UNC13A: variants seen among roughly 807,000 people sequenced by gnomAD.
UNC13A encodes unc-13 homolog A, also known as protein unc-13 homolog A.
A neutral mutation model predicts 219.7 loss-of-function variants in UNC13A; 61 were observed. The ratio of observed to expected loss-of-function variants is 0.28; its 90% CI spans 0.23 to 0.34. The LOEUF is 0.34. UNC13A is among the 10% of genes least tolerant of loss of function. The probability of loss-of-function intolerance (pLI) is 1.00; values close to 1 mark genes in which losing one functional copy is unlikely to be tolerated. For missense variants in UNC13A, 1,476 were observed against 2,270.3 expected (o/e 0.65, Z 7.11); for synonymous variants, 920 against 884.6 (o/e 1.04, Z -0.71).
chr19:17,612,691 A>G (rs1308353566), intron 41 of UNC13A, among the ~76,000 whole-genome samples: 1 of 152,108 alleles, frequency 6.6e-6, no homozygotes, highest in Admixed American at 6.5e-5. Context: ...CAATAAATAC[A>G]AAAATTAGTG....
In UNC13A at chr19:17,618,345, G is replaced by T. The variant is rs113151370; in HGVS notation, c.4410+76C>A. ...GAACAAATTAATGTGGGTCCGAGGC[G>T]AGCCTAAGTCCATGACCACAGCAGC... On this transcript the variant is annotated intron_variant, in intron 40 of 43. Transcript: ENST00000519716. 3.4e-3 allele frequency: 4,858 copies of T among 1,444,430 alleles called. 138 individuals are homozygous for T. The African/African-American group carries it at 0.055, about 16-fold the overall frequency. The allele number at this position is 1,444,430 out of a possible 1,614,324, so 89.5% of individuals were successfully genotyped here.
Position 17,632,867 on chromosome 19 carries a change from T to G in UNC13A, c.3343A>C (p.Asn1115His). 6.2e-7 allele frequency: 1 copy of G among 1,613,972 alleles called. No homozygotes were observed. The highest frequency in any genetic ancestry group is 8.5e-7 in the Non-Finnish European group (1 of 1,179,886). ...AGCCATTTCACCTTGAAGTGGAGGT[T>G]CATGTAGTCGGCACTCTTGCATAGA... Reference protein sequence around the residue: ...HRLCKSADYMNLHFKVKWLYN... With the variant: ...HRLCKSADYMHLHFKVKWLYN... Residue 1115 changes from asparagine (N) to histidine (H), a missense_variant, in exon 28 of 44, where the codon AAC becomes CAC. Asn to His is a moderately conservative substitution (Grantham distance 68). Coordinates refer to ENST00000519716, the MANE Select transcript of UNC13A (RefSeq NM_001080421.3).
chr19:17,606,345 G>A lies in UNC13A; in HGVS notation c.4821C>T (p.Ser1607=). ...CATAGCACTCGGGACCCGCGTCGGC[G>A]CTCAGCGTGCTGCGTGGGGAGGGGC... is the stretch of plus-strand genomic sequence containing the variant. ...KYNESFQFTL[S]ADAGPECYEL... is the part of the protein sequence containing the mutation. The change falls in exon 44 of 44, where the codon AGC becomes AGT. Residue 1607 remains serine, a synonymous_variant. Transcript: ENST00000519716. 2 of 1,544,494 alleles carry A rather than the reference G, an allele frequency of 1.3e-6. No homozygotes were observed. The highest frequency in any genetic ancestry group is 1.7e-6 in the Non-Finnish European group (2 of 1,147,012).
In UNC13A at chr19:17,674,044, A is replaced by G. The variant is rs12983997; in HGVS notation, c.152+613T>C. Among the ~76,000 whole-genome samples, 1 of 152,180 alleles carries G rather than the reference A, an allele frequency of 6.6e-6. No homozygotes were observed. Among genetic ancestry groups the G allele is most frequent in the Non-Finnish European group, 1.5e-5 (1 of 68,052 alleles). Reference sequence around the variant, plus strand: ...CAAACAAACAAACAAAATTGGTGGCAAGGCCTGGGAAGGCATGATGCCCTG... The same window carrying G: ...CAAACAAACAAACAAAATTGGTGGCGAGGCCTGGGAAGGCATGATGCCCTG... On this transcript the variant is annotated intron_variant, in intron 3 of 43. Coordinates refer to ENST00000519716, the MANE Select transcript of UNC13A (RefSeq NM_001080421.3). This position sits in a 1 kb window ranked among gnomAD's most constrained non-coding sequence, Gnocchi z 5.0.
At position 17,674,695 on chromosome 19, in the gene UNC13A, C is replaced by T. The variant is rs1427342139; in HGVS notation, c.114G>A (p.Val38=). Residue 38 remains valine, a synonymous_variant, in exon 3 of 44, where the codon GTG becomes GTA. Coordinates refer to ENST00000519716, the MANE Select transcript of UNC13A (RefSeq NM_001080421.3). This position sits in a 1 kb window ranked among gnomAD's most constrained non-coding sequence, Gnocchi z 5.0. ...GCTCCCAGCTGGGCTGGCTGCCCCG[C>T]ACCGCGATGGTCGTGCTCTTGACAT... is the stretch of plus-strand genomic sequence containing the variant. ...VQNVKSTTIA[V]RGSQPSWEQD... is the part of the protein sequence containing the mutation. 5 of 1,613,968 alleles carry T rather than the reference C, an allele frequency of 3.1e-6. No individual in the cohort carries two copies. The African/African-American group carries it at 4.0e-5, about 13-fold the overall frequency.
At chr19:17,673,305 C>T (rs535466067) in intron 3 of UNC13A, among the ~76,000 whole-genome samples, 75 of 144,314 alleles carry the variant, frequency 5.2e-4, no homozygotes, top group East Asian at 3.7e-3. Flanking sequence ...TGCGGTGAGC[C>T]GAGATCACGC....
chr19:17,668,052 G>A, intron 6 of UNC13A, 65 bp downstream of exon 6: 1 of 1,536,154 alleles, frequency 6.5e-7, no homozygotes, highest in Non-Finnish European at 9.0e-7. Context: ...ATCTGTAAGT[G>A]AAAATCATGG....
At chr19:17,673,091 C>T (rs1000818579) in intron 3 of UNC13A, among the ~76,000 whole-genome samples, 3 of 152,296 alleles carry the variant, frequency 2.0e-5, no homozygotes, top group Admixed American at 1.3e-4. Context: ...ACCACGGTGG[C>T]TCACGCCTGT....
At position 17,675,329 on chromosome 19, in the gene UNC13A, T is replaced by A. The variant is rs1369814541; in HGVS notation, c.53-573A>T. Among the ~76,000 whole-genome samples the A allele has an allele frequency of 2.7e-5, 4 of 150,688 alleles. No homozygotes were observed. The East Asian group carries it at 7.8e-4, about 29-fold the overall frequency. ...AGCCTCAAAAAATAAAAATTTTAAA[T>A]AAAAATAATAATAATAAAAAGGCAG... On this transcript the variant is annotated intron_variant, in intron 2 of 43. Transcript: ENST00000519716.
rs2079441512 is a variant in UNC13A, at chr19:17,655,913, G to C, written c.1253C>G (p.Pro418Arg). The part of the protein sequence containing the change: ...PDKVPAAEQI[P>R]EAEPPKDEES... ...CTCGTCCTTGGGTGGCTCAGCCTCA[G>C]GGATCTGCTCAGCTGCAGGCACCTT... The change falls in exon 10 of 44, where the codon CCT becomes CGT. Residue 418 changes from proline to arginine, a missense_variant. Physicochemically the swap from Pro to Arg is moderately radical, Grantham distance 103. This residue lies in a region of UNC13A where 351 missense variants were observed against 342.6 expected (regional missense o/e 1.02). Coordinates refer to ENST00000519716, the MANE Select transcript of UNC13A (RefSeq NM_001080421.3). 1 of 1,526,166 alleles carries C rather than the reference G, an allele frequency of 6.6e-7. No individual in the cohort carries two copies. The allele number at this position is 1,526,166 out of a possible 1,614,324, so 94.5% of individuals were successfully genotyped here.
chr19:17,651,675 C>T (rs2079351605), intron 12 of UNC13A, among the ~76,000 whole-genome samples: 1 of 152,164 alleles, frequency 6.6e-6, no homozygotes, highest in South Asian at 2.1e-4. Context: ...GGCAGCCTCC[C>T]CTTGTCTGAC....
chr19:17,620,693 G>C lies in UNC13A; in HGVS notation c.4272C>G (p.Asp1424Glu). The C allele has an allele frequency of 6.2e-7, 1 of 1,613,390 alleles. No homozygotes were observed. ...KGRVKLPSHS[D>E]GTQMIFNAAK... is the part of the protein sequence containing the mutation. ...ACAGACAGTGAGAGGCCGGTCTTACGTCTGAGTGGCTTGGCAATTTCACCC... is the reference window on the plus strand; with the variant it reads ...ACAGACAGTGAGAGGCCGGTCTTACCTCTGAGTGGCTTGGCAATTTCACCC... The change falls in exon 38 of 44, where the codon GAC becomes GAG. Residue 1424 changes from aspartate to glutamate, a missense_variant and splice_region_variant. This residue lies in a region of UNC13A where 75 missense variants were observed against 100.2 expected (regional missense o/e 0.75). Coordinates refer to ENST00000519716, the MANE Select transcript of UNC13A (RefSeq NM_001080421.3).
rs2079370368 is a variant in UNC13A, at chr19:17,652,622, A to G, written c.1439+9T>C. ...TCTTCCTCCCACCGCTCACAGTTTC[A>G]TTACTTACCCGCCTTTGAACCATAG... On this transcript the variant is annotated intron_variant, in intron 12 of 43. Coordinates refer to ENST00000519716, the MANE Select transcript of UNC13A (RefSeq NM_001080421.3). 3 of 1,613,528 alleles carry G rather than the reference A, an allele frequency of 1.9e-6. No homozygotes were observed. The highest frequency in any genetic ancestry group is 2.7e-5 in the African/African-American group (2 of 74,852).
Position 17,658,188 on chromosome 19 carries a change from T to C in UNC13A, c.641A>G (p.Tyr214Cys). 6.2e-7 allele frequency: 1 copy of C among 1,613,900 alleles called. No individual in the cohort carries two copies. Among genetic ancestry groups the C allele is most frequent in the African/African-American group, 1.3e-5 (1 of 75,012 alleles). Residue 214 changes from tyrosine (Y) to cysteine (C), a missense_variant, in exon 9 of 44, where the codon TAT (tyrosine) becomes TGT (cysteine). By Grantham distance (194) the Tyr-to-Cys change is radical. Around this residue, in one of 14 missense-constraint regions of UNC13A, gnomAD observed 203 missense variants for 301.6 expected, o/e 0.67. Transcript: ENST00000519716. Reference protein sequence around the residue: ...ETSNSIPPPYYTTSQPNASVH... With the variant: ...ETSNSIPPPYCTTSQPNASVH... Reference sequence around the variant, plus strand: ...TGAGGCGTTGGGTTGTGACGTAGTATAATAGGGCGGCGGGATGCTGTTGCT... The same window carrying C: ...TGAGGCGTTGGGTTGTGACGTAGTACAATAGGGCGGCGGGATGCTGTTGCT...
Position 17,651,120 on chromosome 19 carries a change from G to A in UNC13A, c.1439+1511C>T, listed in dbSNP as rs535234188. Among the ~76,000 whole-genome samples, 14 of 150,848 alleles carry A rather than the reference G, an allele frequency of 9.3e-5. No homozygotes were observed. The South Asian group carries it at 2.3e-3, about 25-fold the overall frequency. On this transcript the variant is annotated intron_variant, in intron 12 of 43. Transcript: ENST00000519716. ...ACCTGGCTAATTTTCTGTATTTTTC[G>A]TAGATATGGGGTTTCACCATGTTGA...
chr19:17,681,250 C>G (rs1475862976), intron 1 of UNC13A, among the ~76,000 whole-genome samples: 1 of 151,792 alleles, frequency 6.6e-6, no homozygotes, highest in Non-Finnish European at 1.5e-5. Context: ...GGCTCCCTGA[C>G]CTGCCACGTG....
At chr19:17,650,600 C>G (rs1021308251) in intron 12 of UNC13A, among the ~76,000 whole-genome samples, 28 of 152,088 alleles carry the variant, frequency 1.8e-4, no homozygotes, top group Admixed American at 5.9e-4. Context: ...GCCTCAGCTC[C>G]CCAAGTAGCT....
At chr19:17,679,834 T>C (rs1032593022) in intron 1 of UNC13A, among the ~76,000 whole-genome samples, 6 of 152,110 alleles carry the variant, frequency 3.9e-5, no homozygotes, top group African/African-American at 9.7e-5. Flanking sequence ...TCAGTCCGGC[T>C]CCTCTTCCCT....
chr19:17,630,513 G>A, intron 29 of UNC13A, 141 bp downstream of exon 29: 8 of 1,166,776 alleles, frequency 6.9e-6, no homozygotes, highest in Non-Finnish European at 8.7e-6. Context: ...GTTGATGAAT[G>A]AACAAAAGAT....
Sources: allele counts gnomAD v4.1 joint callset (sites outside exome capture counted in the v4.1 genomes callset), GRCh38; gene constraint gnomAD v4.1.1; regional missense constraint gnomAD v4.1.1; non-coding constraint Gnocchi (gnomAD v3.1); transcripts MANE v1.5; gene names NCBI Gene and HGNC (gene_info 2026-07-23, HGNC 2026-07-21).